UPF1: variants seen among roughly 807,000 people sequenced by gnomAD.
The protein encoded by UPF1 is UPF1 RNA helicase and ATPase.
In UPF1, 9 loss-of-function variants were observed where a neutral mutation model predicts 129.2. The ratio of observed to expected loss-of-function variants is 0.07; its 90% confidence interval spans 0.04 to 0.12. The LOEUF (loss-of-function observed/expected upper bound fraction) is 0.12. Among genes scored for constraint, UPF1 ranks in the 10% least tolerant of loss-of-function variants. The probability of loss-of-function intolerance (pLI) is 1.00; values close to 1 mark genes in which losing one functional copy is unlikely to be tolerated. For synonymous variants in UPF1, 649 were observed against 644.9 expected, an observed-to-expected ratio of 1.01 and a Z score of -0.10; for missense variants, 788 against 1,525.3, an observed-to-expected ratio of 0.52 and a Z score of 8.05.
chr19:18,846,164 G>A (rs759190196), intron 2 of UPF1, 45 bp downstream of exon 2: 1 of 1,609,486 alleles, frequency 6.2e-7, no homozygotes, highest in South Asian at 1.1e-5. Context: ...GGACAGGTGG[G>A]TGCCTCTGGC....
rs76623994 is a variant in UPF1 at position 18,859,196 on chromosome 19, G to A, written c.2183-1125G>A. On this transcript the variant is annotated intron_variant, in intron 15 of 23. Transcript: ENST00000262803. ...GCACTGGCTGGGAAAGGCGTGGCTC[G>A]GCGCAGGCTCAGACCCCTCATGGTC... 7.9e-5 allele frequency among the ~76,000 whole-genome samples: 12 copies of A among 152,314 alleles called. No homozygotes were observed. In the East Asian group the frequency reaches 1.9e-3, roughly 24 times the overall value.
Position 18,865,434 on chromosome 19 carries a change from C to T in UPF1, c.3003C>T (p.Ala1001=). 1 of 1,613,620 alleles carries T rather than the reference C, an allele frequency of 6.2e-7. No individual in the cohort carries two copies. Residue 1001 remains alanine (A), a synonymous_variant, in exon 21 of 24, where the codon GCC becomes GCT. Transcript: ENST00000262803. The surrounding 1 kb of genome is among the most constrained non-coding windows in gnomAD (Gnocchi z 6.1). Reference sequence around the variant, plus strand: ...CACCGCCTGGCTATTTTGGACAAGCCAACGGGCCTGCTGCAGGTGAGCATC... The same window carrying T: ...CACCGCCTGGCTATTTTGGACAAGCTAACGGGCCTGCTGCAGGTGAGCATC... ...PMPPPGYFGQ[A]NGPAAGRGTP...
chr19:18,856,521 G>C (rs2055719806), intron 13 of UPF1, among the ~76,000 whole-genome samples: 1 of 152,132 alleles, frequency 6.6e-6, no homozygotes. Flanking sequence ...AGCCTCCACT[G>C]GGATCCGGCA....
chr19:18,839,050 T>G (rs1601095348), intron 1 of UPF1, among the ~76,000 whole-genome samples: 1 of 152,128 alleles, frequency 6.6e-6, no homozygotes, highest in Non-Finnish European at 1.5e-5. Flanking sequence ...TACCACCACA[T>G]TTCTCTCATT....
chr19:18,847,601 T>G, intron 2 of UPF1, 143 bp from the exon 3 acceptor site: 8 of 720,580 alleles, frequency 1.1e-5, no homozygotes, highest in East Asian at 2.8e-5. Context: ...ACTGGTTTGA[T>G]TTGGTTACTG....
At chr19:18,852,356 A>G in intron 6 of UPF1, 60 bp downstream of exon 6, 1 of 1,582,384 alleles carries the variant, frequency 6.3e-7, no homozygotes, top group South Asian at 1.2e-5. Context: ...CTCTCTCCTC[A>G]GGCTTCCAGA....
intron 1 of UPF1, among the ~76,000 whole-genome samples, chr19:18,842,688 A>G (rs901348419): frequency 1.2e-4 from 18 of 151,176 alleles, no homozygotes; most frequent in African/African-American, 4.1e-4. Flanking sequence ...TTCCTTTACA[A>G]TTTTTTTAAT....
chr19:18,858,988 G>A (rs2055747872), intron 15 of UPF1, among the ~76,000 whole-genome samples: 1 of 152,210 alleles, frequency 6.6e-6, no homozygotes, highest in African/African-American at 2.4e-5. Flanking sequence ...GTCAGGCCTA[G>A]TTACAGGAGA....
chr19:18,839,871 A>G (rs1014664809), intron 1 of UPF1, among the ~76,000 whole-genome samples: 3 of 152,164 alleles, frequency 2.0e-5, no homozygotes, highest in African/African-American at 7.2e-5. Flanking sequence ...GGGCCCCAGG[A>G]GTAGGAGTGG....
At position 18,866,673 on chromosome 19, in the gene UPF1, AGCCGAG is replaced by A. The variant is rs2055848208; in HGVS notation, c.*163_*168del. The A allele has an allele frequency of 6.6e-6, 1 of 152,596 alleles. No homozygotes were observed. Among genetic ancestry groups the A allele is most frequent in the Admixed American group, 6.5e-5 (1 of 15,290 alleles). 9.5% of individuals were successfully genotyped at this position (152,596 alleles called of 1,614,324 possible). ...GAAGGGAGAGCGCACGAGGGAGAGG[AGCCGAG>A]GCCGAGCGCCCCCTGCTGGCCCGCG... On this transcript the variant is annotated 3_prime_UTR_variant, in exon 24 of 24. Coordinates refer to ENST00000262803, the MANE Select transcript of UPF1 (RefSeq NM_002911.4).
At chr19:18,841,662 A>C (rs1004159311) in intron 1 of UPF1, among the ~76,000 whole-genome samples, 1 of 151,962 alleles carries the variant, frequency 6.6e-6, no homozygotes, top group Non-Finnish European at 1.5e-5. Flanking sequence ...TCATTGTCAC[A>C]CTTCAGCTTC....
chr19:18,832,186 C>T lies in UPF1; in HGVS notation c.-24C>T. The stretch of plus-strand genomic sequence containing the variant: ...GGCTCGAGTGCAGCGCGGAACCGGC[C>T]CGAGGGCCCTACCCGGAGGCACCAT... On this transcript the variant is annotated 5_prime_UTR_variant, in exon 1 of 24. Coordinates refer to ENST00000262803, the MANE Select transcript of UPF1 (RefSeq NM_002911.4). The surrounding 1 kb of genome is among the most constrained non-coding windows in gnomAD (Gnocchi z 5.6). 2 of 1,526,390 alleles carry T rather than the reference C, an allele frequency of 1.3e-6. No homozygotes were observed. The highest frequency in any genetic ancestry group is 1.8e-6 in the Non-Finnish European group (2 of 1,134,996). The allele number at this position is 1,526,390 out of a possible 1,614,324, so 94.6% of individuals were successfully genotyped here.
At chr19:18,857,187 T>C (rs1289705456) in intron 14 of UPF1, 133 bp from the exon 15 acceptor site, 2 of 1,464,308 alleles carry the variant, frequency 1.4e-6, no homozygotes, top group Non-Finnish European at 1.8e-6. Context: ...GCACGTCCAG[T>C]GTGCGTGGTG....
intron 11 of UPF1, 34 bp downstream of exon 11, chr19:18,855,276 G>A (rs752915026): frequency 7.5e-6 from 12 of 1,601,028 alleles, no homozygotes; most frequent in East Asian, 4.5e-5. Context: ...GGCAAGACCC[G>A]GGAGGGCTTT....
chr19:18,836,361 T>C (rs1228473799), intron 1 of UPF1, among the ~76,000 whole-genome samples: 1 of 152,238 alleles, frequency 6.6e-6, no homozygotes, highest in Non-Finnish European at 1.5e-5. Flanking sequence ...GAAATACTGC[T>C]CAGTATTAAG....
chr19:18,841,555 G>A (rs572228483), intron 1 of UPF1, among the ~76,000 whole-genome samples: 48 of 152,214 alleles, frequency 3.2e-4, no homozygotes, highest in Non-Finnish European at 5.7e-4. Flanking sequence ...TGGGCCCTGC[G>A]TTCCGAGCGG....
At chr19:18,859,521 C>G (rs970449138) in intron 15 of UPF1, 1 of 152,214 alleles carries the variant, frequency 6.6e-6, no homozygotes, top group Non-Finnish European at 1.5e-5. Flanking sequence ...CTGAGCTCAT[C>G]CGGCGGCCCC....
chr19:18,840,537 G>A (rs2055530434), intron 1 of UPF1, among the ~76,000 whole-genome samples: 1 of 152,194 alleles, frequency 6.6e-6, no homozygotes, highest in African/African-American at 2.4e-5. Context: ...GGTGGTGAGA[G>A]TGCTTTCATG....
chr19:18,855,771 C>T lies in UPF1; in HGVS notation c.1545-154C>T, dbSNP rs2055710442. 4 of 1,080,988 alleles carry T rather than the reference C, an allele frequency of 3.7e-6. No homozygotes were observed. In the African/African-American group the frequency reaches 4.8e-5, roughly 13 times the overall value. 67.0% of individuals were successfully genotyped at this position (1,080,988 alleles called of 1,614,324 possible). On this transcript the variant is annotated intron_variant, in intron 11 of 23. Transcript: ENST00000262803. ...GCTGAGGTGGGAGGATTGCTTGAGC[C>T]CAGGATGTTGAGGCTGCAATTAGCT...
Sources: gnomAD v4.1 joint callset for allele counts (sites outside exome capture counted in the v4.1 genomes callset) on GRCh38, gnomAD v4.1.1 for gene constraint, Gnocchi (gnomAD v3.1) non-coding constraint, MANE v1.5 for transcripts, NCBI Gene and HGNC (gene_info 2026-07-23, HGNC 2026-07-21) for gene names.